STX8: variants seen among roughly 807,000 people sequenced by gnomAD.
STX8 encodes the protein syntaxin 8.
Under a neutral mutation model 37.5 loss-of-function variants are expected in STX8, and 23 were observed. The observed-to-expected ratio is 0.61, with a 90% CI of 0.44 to 0.87. STX8 has a LOEUF of 0.87. Ranked by LOEUF, STX8 falls within the 40% of genes least tolerant of loss-of-function variation. The pLI is 0.00. For synonymous variants in STX8, 115 were observed against 99.1 expected (o/e 1.16, Z -0.95); for missense variants, 313 against 284.7 (o/e 1.10, Z -0.71).
intron 7 of STX8, among the ~76,000 whole-genome samples, chr17:9,263,761 G>C (rs888674209): frequency 1.3e-5 from 2 of 152,210 alleles, no homozygotes; most frequent in Non-Finnish European, 2.9e-5. Context: ...CTGGGGCAAA[G>C]AGTATGTGCA....
chr17:9,323,586 C>T (rs548436392), intron 7 of STX8, among the ~76,000 whole-genome samples: 9 of 151,580 alleles, frequency 5.9e-5, no homozygotes, highest in Admixed American at 3.9e-4. Flanking sequence ...GTGGGATCAC[C>T]GAATGCCTCT....
chr17:9,255,916 T>G (rs1458252576), intron 7 of STX8, among the ~76,000 whole-genome samples: 4 of 152,242 alleles, frequency 2.6e-5, no homozygotes, highest in African/African-American at 9.6e-5. Context: ...AAGTTTGGCT[T>G]TCTTCGAATG....
At chr17:9,327,191 AAGGAAGAAGGAAGAAGG>A (rs1455359454) in intron 7 of STX8, among the ~76,000 whole-genome samples, 1 of 145,566 alleles carries the variant, frequency 6.9e-6, no homozygotes, top group Non-Finnish European at 1.5e-5. Context: ...AAGGAAGAAG[AAGGAAGAAGGAAGAAGG>A]AGGAAGAAGG....
chr17:9,485,748 G>A (rs1483310612), intron 6 of STX8, among the ~76,000 whole-genome samples: 2 of 152,058 alleles, frequency 1.3e-5, no homozygotes, highest in Admixed American at 1.3e-4. Flanking sequence ...ACCACACCCA[G>A]CTAATTTTTT....
chr17:9,310,211 T>C (rs1272671100), intron 7 of STX8, among the ~76,000 whole-genome samples: 1 of 152,112 alleles, frequency 6.6e-6, no homozygotes, highest in African/African-American at 2.4e-5. Flanking sequence ...AAAATCCTAA[T>C]AAGAGAACTT....
At position 9,503,105 on chromosome 17, in the gene STX8, CAA is replaced by C. The variant is rs61437085; in HGVS notation, c.448+1931_448+1932del. 1.1e-3 allele frequency among the ~76,000 whole-genome samples: 63 copies of C among 58,600 alleles called. 1 individual carries two copies. The highest frequency in any genetic ancestry group is 4.5e-3 in the African/African-American group (60 of 13,224). 38.4% of individuals were successfully genotyped at this position (58,600 alleles called of 152,430 possible). A position where few individuals can be genotyped will look rare whatever the true frequency, so the allele number is the denominator to read the frequency against. On this transcript the variant is annotated intron_variant, in intron 5 of 7. Coordinates refer to ENST00000306357, the MANE Select transcript of STX8 (RefSeq NM_004853.3). ...TAGGCAGCAAAGCCAGACTCTGTCT[CAA>C]AAAAAAAAAAAAAAAAAAAAGAGTG...
At chr17:9,526,247 T>C (rs1905565303) in intron 4 of STX8, among the ~76,000 whole-genome samples, 1 of 152,188 alleles carries the variant, frequency 6.6e-6, no homozygotes, top group Non-Finnish European at 1.5e-5. Flanking sequence ...CTTCCATTGA[T>C]TCACCATGGG....
chr17:9,465,709 A>G (rs1339167464), intron 6 of STX8, among the ~76,000 whole-genome samples: 1 of 152,170 alleles, frequency 6.6e-6, no homozygotes, highest in Non-Finnish European at 1.5e-5. Context: ...TCACTCGAAC[A>G]ACGACGACAA....
At position 9,280,660 on chromosome 17, in the gene STX8, A is replaced by T. The variant is rs73264083; in HGVS notation, c.644-30015T>A. The stretch of plus-strand genomic sequence containing the variant: ...TCCACAAGTTTACTGAGGAACCGTA[A>T]AAGAAAATATGAACAAAGACAGATC... On this transcript the variant is annotated intron_variant, in intron 7 of 7. Coordinates refer to ENST00000306357, the MANE Select transcript of STX8 (RefSeq NM_004853.3). Among the ~76,000 whole-genome samples, 1,515 of 152,360 alleles carry T rather than the reference A, an allele frequency of 9.9e-3. 21 individuals are homozygous for T. The highest frequency in any genetic ancestry group is 0.035 in the African/African-American group (1,442 of 41,576).
intron 7 of STX8, among the ~76,000 whole-genome samples, chr17:9,297,098 T>C (rs2531851): frequency 0.71 from 107,568 of 151,882 alleles, 38,227 homozygotes; most frequent in African/African-American, 0.72. Flanking sequence ...GCATTTGGCA[T>C]GGTGTCCAAT....
intron 6 of STX8, among the ~76,000 whole-genome samples, chr17:9,471,000 TG>T (rs1905831116): frequency 7.1e-6 from 1 of 140,972 alleles, no homozygotes; most frequent in Non-Finnish European, 1.5e-5. Flanking sequence ...CCCAAAGTGC[TG>T]GGATTACAGG....
chr17:9,480,389 A>C (rs964458077), intron 6 of STX8, among the ~76,000 whole-genome samples: 2 of 151,976 alleles, frequency 1.3e-5, no homozygotes, highest in Admixed American at 6.5e-5. Context: ...GAAAAGAAAA[A>C]GTTTATTTAA....
intron 7 of STX8, among the ~76,000 whole-genome samples, chr17:9,291,441 CAAAA>C (rs371757156): frequency 1.2e-5 from 1 of 85,034 alleles, no homozygotes. Flanking sequence ...GACTCGGTCT[CAAAA>C]AAAAAAAAAA....
At chr17:9,513,430 C>A (rs546016571) in intron 4 of STX8, among the ~76,000 whole-genome samples, 12 of 151,984 alleles carry the variant, frequency 7.9e-5, no homozygotes, top group African/African-American at 2.9e-4. Context: ...ACAAATTGCT[C>A]AGCATTACTA....
chr17:9,385,786 T>G (rs1911979608), intron 6 of STX8, among the ~76,000 whole-genome samples: 2 of 152,226 alleles, frequency 1.3e-5, no homozygotes, highest in South Asian at 4.1e-4. Context: ...TTTTGTTTTT[T>G]GAGGTGGCAT....
chr17:9,572,398 T>G (rs1907719013), intron 1 of STX8, among the ~76,000 whole-genome samples: 1 of 147,410 alleles, frequency 6.8e-6, no homozygotes, highest in Non-Finnish European at 1.5e-5. Context: ...TTTTATAGGT[T>G]GTTTTTGTTT....
At chr17:9,487,495 T>C (rs1371785210) in intron 6 of STX8, among the ~76,000 whole-genome samples, 2 of 152,140 alleles carry the variant, frequency 1.3e-5, no homozygotes, top group African/African-American at 4.8e-5. Context: ...GGCAGGGATA[T>C]ACTTTTTTAT....
At chr17:9,297,130 G>A (rs1908583035) in intron 7 of STX8, among the ~76,000 whole-genome samples, 3 of 151,100 alleles carry the variant, frequency 2.0e-5, no homozygotes, top group Non-Finnish European at 2.9e-5. Flanking sequence ...CTCCAAAAAC[G>A]TCAGCTCTCA....
chr17:9,415,500 G>A (rs372552625), intron 6 of STX8, among the ~76,000 whole-genome samples: 16 of 151,874 alleles, frequency 1.1e-4, no homozygotes, highest in Admixed American at 2.6e-4. Context: ...CGGCGGGTGC[G>A]GTGGCTCACT....
Sources: allele counts gnomAD v4.1 joint callset (sites outside exome capture counted in the v4.1 genomes callset), GRCh38; gene constraint gnomAD v4.1.1; transcripts MANE v1.5; gene names NCBI Gene and HGNC (gene_info 2026-07-23, HGNC 2026-07-21).